SCUBE2: variants seen among roughly 807,000 people sequenced by gnomAD.
SCUBE2 encodes the protein signal peptide, CUB domain and EGF like domain containing 2.
SCUBE2 carries 114 observed loss-of-function variants against 125.9 expected under a neutral mutation model. The ratio of observed to expected loss-of-function variants is 0.91; its 90% CI spans 0.78 to 1.06. SCUBE2 has a LOEUF of 1.06. Among genes scored for constraint, SCUBE2 ranks in the 50% least tolerant of loss-of-function variants. The probability of loss-of-function intolerance (pLI) is 0.00; values close to 1 mark genes in which losing one functional copy is unlikely to be tolerated. For synonymous variants in SCUBE2, 459 were observed against 492.9 expected (o/e 0.93, Z 0.91); for missense variants, 1,255 against 1,301.8 (o/e 0.96, Z 0.55).
intron 6 of SCUBE2, 89 bp from the exon 7 acceptor site, chr11:9,066,069 A>G (rs1860197078): frequency 2.3e-6 from 2 of 859,498 alleles, no homozygotes; most frequent in Non-Finnish European, 3.8e-6. Context: ...AATCCCAGAC[A>G]TAAGAGGAAT....
intron 4 of SCUBE2, among the ~76,000 whole-genome samples, chr11:9,072,517 G>C (rs1741417344): frequency 6.6e-6 from 1 of 152,176 alleles, no homozygotes; most frequent in African/African-American, 2.4e-5. Context: ...ACCACTGTGG[G>C]TTTTTAAGCC....
In SCUBE2 at chr11:9,053,782, G is replaced by A. The variant is rs1429107830; in HGVS notation, c.1208-23C>T. 4.4e-6 allele frequency: 7 copies of A among 1,604,636 alleles called. No homozygotes were observed. The African/African-American group carries it at 5.3e-5, about 12-fold the overall frequency. ...TGTCTGTGGAACAAAATACTCTCCT[G>A]TCATAGCAGCCTGTCACTGAATGGG... On this transcript the variant is annotated intron_variant, in intron 10 of 22. Transcript: ENST00000649792.
chr11:9,081,401 AT>A (rs199553721), intron 2 of SCUBE2, among the ~76,000 whole-genome samples: 2,553 of 152,228 alleles, frequency 0.017, 69 homozygotes, highest in African/African-American at 0.058. Flanking sequence ...TGACTCTATG[AT>A]TTTGACTACT....
At position 9,020,208 on chromosome 11, in the gene SCUBE2, A is replaced by G. The variant is rs1188142027; in HGVS notation, c.*837T>C. ...TCAGGGTTGGTGAAATCGCCTTTTC[A>G]TGACAATTGATGATTCTCATCCACT... On this transcript the variant is annotated 3_prime_UTR_variant, in exon 23 of 23. Coordinates refer to ENST00000649792, the MANE Select transcript of SCUBE2 (RefSeq NM_001367977.2). Among the ~76,000 whole-genome samples the G allele has an allele frequency of 6.6e-6, 1 of 152,170 alleles. No homozygotes were observed. Among genetic ancestry groups the G allele is most frequent in the Non-Finnish European group, 1.5e-5 (1 of 68,036 alleles).
At chr11:9,070,790 T>C (rs1438766054) in intron 4 of SCUBE2, among the ~76,000 whole-genome samples, 1 of 152,248 alleles carries the variant, frequency 6.6e-6, no homozygotes, top group Non-Finnish European at 1.5e-5. Context: ...ACAGATGTCA[T>C]TCCTATTCCA....
intron 20 of SCUBE2, 137 bp downstream of exon 20, chr11:9,027,227 C>T: frequency 2.5e-6 from 2 of 800,022 alleles, no homozygotes; most frequent in South Asian, 3.6e-5. Flanking sequence ...TTCTCACCAA[C>T]TCTATAAACT....
intron 5 of SCUBE2, 57 bp from the exon 6 acceptor site, chr11:9,066,870 G>A (rs1415454782): frequency 1.4e-6 from 2 of 1,386,876 alleles, no homozygotes; most frequent in East Asian, 2.3e-5. Flanking sequence ...ACACAGGGCT[G>A]TGTTTGCTCC....
intron 11 of SCUBE2, 150 bp from the exon 12 acceptor site, chr11:9,053,365 A>G: frequency 1.3e-6 from 1 of 759,118 alleles, no homozygotes; most frequent in Non-Finnish European, 2.1e-6. Context: ...TATTCCCACC[A>G]AGGGAAAGGA....
At chr11:9,076,261 C>T (rs1329703935) in intron 3 of SCUBE2, among the ~76,000 whole-genome samples, 1 of 152,002 alleles carries the variant, frequency 6.6e-6, no homozygotes, top group Non-Finnish European at 1.5e-5. Context: ...CAAGAGCCTC[C>T]AGGGAAGGAG....
intron 21 of SCUBE2, among the ~76,000 whole-genome samples, chr11:9,023,445 C>T (rs1855475146): frequency 6.6e-6 from 1 of 152,176 alleles, no homozygotes; most frequent in African/African-American, 2.4e-5. Context: ...TATCTCTCCT[C>T]TTTTTGTTGA....
intron 3 of SCUBE2, among the ~76,000 whole-genome samples, chr11:9,078,869 A>G (rs549885927): frequency 6.6e-6 from 1 of 152,352 alleles, no homozygotes; most frequent in East Asian, 1.9e-4. Flanking sequence ...TGTAGTCTCT[A>G]ACTCAGGGGC....
chr11:9,084,811 A>G (rs1187348232), intron 2 of SCUBE2, among the ~76,000 whole-genome samples: 1 of 152,196 alleles, frequency 6.6e-6, no homozygotes, highest in Non-Finnish European at 1.5e-5. Flanking sequence ...TGGTGCCATC[A>G]TAGCTCACTG....
At chr11:9,034,890 G>C (rs530149087) in intron 16 of SCUBE2, among the ~76,000 whole-genome samples, 1 of 152,128 alleles carries the variant, frequency 6.6e-6, no homozygotes, top group Non-Finnish European at 1.5e-5. Flanking sequence ...CAGCTACTTG[G>C]GAGGCAAGGC....
At chr11:9,038,669 C>G (rs905727740) in intron 16 of SCUBE2, among the ~76,000 whole-genome samples, 4 of 151,978 alleles carry the variant, frequency 2.6e-5, no homozygotes, top group Admixed American at 2.6e-4. Flanking sequence ...CAGGAAATAG[C>G]CTTGCAATGA....
chr11:9,070,916 T>C (rs1430724126), intron 4 of SCUBE2, among the ~76,000 whole-genome samples: 2 of 152,232 alleles, frequency 1.3e-5, no homozygotes, highest in African/African-American at 4.8e-5. Flanking sequence ...GTCTGCTGGT[T>C]GCTGGGATTC....
Position 9,047,438 on chromosome 11 carries a change from G to A in SCUBE2, c.1920C>T (p.Asp640=), listed in dbSNP as rs377361912. The part of the protein sequence containing the change: ...FHLQLSGMNL[D]VAKKPPRTSE... ...ATGTTCTGGGAGGCTTTTTAGCCAC[G>A]TCGAGGTTCATGCCTGAGAGCTGGA... Residue 640 remains aspartate (D), a synonymous_variant, in exon 16 of 23, where the codon GAC becomes GAT. Coordinates refer to ENST00000649792, the MANE Select transcript of SCUBE2 (RefSeq NM_001367977.2). 2.4e-5 allele frequency: 38 copies of A among 1,614,006 alleles called. No homozygotes were observed. Among genetic ancestry groups the A allele is most frequent in the African/African-American group, 1.1e-4 (8 of 74,880 alleles).
At chr11:9,023,977 A>G (rs1470749697) in intron 21 of SCUBE2, among the ~76,000 whole-genome samples, 2 of 151,832 alleles carry the variant, frequency 1.3e-5, no homozygotes, top group Admixed American at 6.6e-5. Context: ...TGAAAAGAAG[A>G]TATCAAACTT....
rs530449791 is a variant in SCUBE2 at position 9,080,488 on chromosome 11, A to G, written c.257-979T>C. ...ACATAGTGAGACCCCCATCTCTACAAAAAATAAACAAAATTAGCCAGATGT... is the reference window on the plus strand; with the variant it reads ...ACATAGTGAGACCCCCATCTCTACAGAAAATAAACAAAATTAGCCAGATGT... On this transcript the variant is annotated intron_variant, in intron 2 of 22. Transcript: ENST00000649792. 4.6e-5 allele frequency among the ~76,000 whole-genome samples: 7 copies of G among 152,166 alleles called. No homozygotes were observed. The East Asian group carries it at 1.4e-3, about 30-fold the overall frequency.
Position 9,050,665 on chromosome 11 carries a change from C to T in SCUBE2, c.1580G>A (p.Gly527Asp), listed in dbSNP as rs746042133. ...CTCAGCATTTTTCAAACTACACTTG[C>T]CTTCATTTAGCTTAAAGGTTACACT... Reference protein sequence around the residue: ...RTSVTFKLNEGKCSLKNAELF... With the variant: ...RTSVTFKLNEDKCSLKNAELF... Residue 527 changes from glycine to aspartate, a missense_variant, in exon 14 of 23, where the codon GGC becomes GAC. Physicochemically the swap from Gly to Asp is moderately conservative, Grantham distance 94. Transcript: ENST00000649792. 2.0e-5 allele frequency: 33 copies of T among 1,614,072 alleles called. No homozygotes were observed. The South Asian group carries it at 3.1e-4, about 15-fold the overall frequency.
Sources: allele counts gnomAD v4.1 joint callset (sites outside exome capture counted in the v4.1 genomes callset), GRCh38; gene constraint gnomAD v4.1.1; transcripts MANE v1.5; gene names NCBI Gene and HGNC (gene_info 2026-07-23, HGNC 2026-07-21).